ERC1: variants seen among roughly 807,000 people sequenced by gnomAD.
ERC1 encodes the protein RAB6 interacting protein 2.
A neutral mutation model predicts 132.0 loss-of-function variants in ERC1; 56 were observed. The ratio of observed to expected loss-of-function variants is 0.42; its 90% confidence interval spans 0.34 to 0.53. The LOEUF is 0.53. ERC1 is among the 20% of genes least tolerant of loss of function. ERC1 has a pLI of 0.03. For missense variants in ERC1, 1,202 were observed against 1,349.9 expected (o/e 0.89, Z 1.72); for synonymous variants, 478 against 476.1 (o/e 1.00, Z -0.05).
chr12:1,322,565 T>A (rs1459747539), intron 15 of ERC1, among the ~76,000 whole-genome samples: 1 of 152,186 alleles, frequency 6.6e-6, no homozygotes, highest in African/African-American at 2.4e-5. Context: ...AGTAAACATT[T>A]ATTACACAAA....
At chr12:1,345,637 C>G (rs2084379614) in intron 15 of ERC1, among the ~76,000 whole-genome samples, 1 of 152,022 alleles carries the variant, frequency 6.6e-6, no homozygotes, top group Non-Finnish European at 1.5e-5. Flanking sequence ...AAGAAATTAT[C>G]ACTTCTTCTC....
At chr12:1,268,891 G>A (rs1298226125) in intron 14 of ERC1, among the ~76,000 whole-genome samples, 1 of 152,194 alleles carries the variant, frequency 6.6e-6, no homozygotes, top group African/African-American at 2.4e-5. Flanking sequence ...CTACAGTTGA[G>A]TGTAAATAGG....
At chr12:1,235,813 C>T (rs936543863) in intron 12 of ERC1, among the ~76,000 whole-genome samples, 1 of 152,126 alleles carries the variant, frequency 6.6e-6, no homozygotes, top group African/African-American at 2.4e-5. Context: ...CAATTCAGTT[C>T]CTAGGCCTAT....
At chr12:1,145,515 A>G (rs1425187355) in intron 8 of ERC1, among the ~76,000 whole-genome samples, 2 of 152,128 alleles carry the variant, frequency 1.3e-5, no homozygotes, top group South Asian at 2.1e-4. Flanking sequence ...ATTTTCTCCA[A>G]TTCTGTAGGT....
intron 2 of ERC1, among the ~76,000 whole-genome samples, chr12:1,071,808 A>G (rs1940413163): frequency 6.6e-6 from 1 of 152,194 alleles, no homozygotes; most frequent in African/African-American, 2.4e-5. Flanking sequence ...CCTTAAAAGT[A>G]TAAAGTCTGA....
At chr12:995,510 T>C (rs777406511) in intron 1 of ERC1, among the ~76,000 whole-genome samples, 3 of 152,278 alleles carry the variant, frequency 2.0e-5, no homozygotes, top group Admixed American at 1.3e-4. Flanking sequence ...TTGGAGATGG[T>C]AATTCATGGA....
intron 7 of ERC1, among the ~76,000 whole-genome samples, chr12:1,118,046 C>T (rs750511086): frequency 3.3e-5 from 5 of 152,150 alleles, no homozygotes; most frequent in Non-Finnish European, 5.9e-5. Flanking sequence ...TCCCCTCAAT[C>T]GTGTATCCTT....
chr12:1,097,875 C>A (rs1194771374), intron 3 of ERC1, among the ~76,000 whole-genome samples: 1 of 151,928 alleles, frequency 6.6e-6, no homozygotes, highest in East Asian at 1.9e-4. Context: ...CCACCATGCT[C>A]AGCTACTTTT....
At position 1,328,872 on chromosome 12, in the gene ERC1, C is replaced by T. The variant is rs754269450; in HGVS notation, c.2780+38860C>T. On this transcript the variant is annotated intron_variant, in intron 15 of 18. Coordinates refer to ENST00000360905, the MANE Select transcript of ERC1 (RefSeq NM_178040.4). Reference sequence around the variant, plus strand: ...ACACGGTTCTACGTGTTAGCAGTATCATCTGGAATAAGACAGCCTCTGTTC... The same window carrying T: ...ACACGGTTCTACGTGTTAGCAGTATTATCTGGAATAAGACAGCCTCTGTTC... 2.2e-4 allele frequency among the ~76,000 whole-genome samples: 26 copies of T among 119,276 alleles called. 1 individual carries two copies. The highest frequency in any genetic ancestry group is 4.2e-4 in the Non-Finnish European group (24 of 57,562). 78.2% of individuals were successfully genotyped at this position (119,276 alleles called of 152,430 possible). A position where few individuals can be genotyped will look rare whatever the true frequency, so the allele number is the denominator to read the frequency against.
At chr12:1,165,521 TG>T in intron 8 of ERC1, among the ~76,000 whole-genome samples, 1 of 152,094 alleles carries the variant, frequency 6.6e-6, no homozygotes, top group East Asian at 1.9e-4. Flanking sequence ...TTAGCCAAGA[TG>T]GTCTTGATCT....
chr12:1,056,618 C>T (rs1463797071), intron 2 of ERC1, among the ~76,000 whole-genome samples: 1 of 152,112 alleles, frequency 6.6e-6, no homozygotes, highest in African/African-American at 2.4e-5. Flanking sequence ...TCTGGCCACC[C>T]CCACCCTAAT....
chr12:1,240,424 C>T (rs58545225), intron 13 of ERC1, among the ~76,000 whole-genome samples: 45,315 of 151,996 alleles, frequency 0.3, 6,884 homozygotes, highest in Middle Eastern at 0.39. Flanking sequence ...TTGAAACTTT[C>T]GTATCTGTAA....
At chr12:995,095 C>CAA (rs1413419953) in intron 1 of ERC1, among the ~76,000 whole-genome samples, 28 of 121,742 alleles carry the variant, frequency 2.3e-4, no homozygotes, top group African/African-American at 8.2e-4. Flanking sequence ...GACTCTGTCT[C>CAA]AAAAAAAAAA....
intron 16 of ERC1, among the ~76,000 whole-genome samples, chr12:1,385,440 G>A (rs1428491927): frequency 2.6e-5 from 4 of 152,080 alleles, no homozygotes; most frequent in South Asian, 2.1e-4. Context: ...CCGCCACCAC[G>A]CCCTGCTAAT....
intron 2 of ERC1, among the ~76,000 whole-genome samples, chr12:1,077,130 G>C (rs987625297): frequency 1.3e-5 from 2 of 152,110 alleles, no homozygotes; most frequent in Admixed American, 1.3e-4. Flanking sequence ...TACAATACTG[G>C]TGTTTTCTCT....
intron 18 of ERC1, chr12:1,480,930 C>T (rs2094078214): frequency 1.4e-6 from 1 of 702,302 alleles, no homozygotes; most frequent in Non-Finnish European, 2.6e-6. Flanking sequence ...CAGACGTCCC[C>T]CTTACTCTGG....
At chr12:1,326,114 C>G (rs1004104798) in intron 15 of ERC1, among the ~76,000 whole-genome samples, 5 of 152,090 alleles carry the variant, frequency 3.3e-5, no homozygotes, top group Non-Finnish European at 7.4e-5. Context: ...GAAAGAATGC[C>G]AGGAACTTTC....
rs754283037 is a variant in ERC1 at position 1,028,584 on chromosome 12, G to A, written c.669+12G>A. On this transcript the variant is annotated intron_variant, in intron 2 of 18. Coordinates refer to ENST00000360905, the MANE Select transcript of ERC1 (RefSeq NM_178040.4). ...AGGAGGAAAACCAGGTAAGTTCTACGTGTGTTTACCTTTATTGGCTGAATT... is the reference window on the plus strand; with the variant it reads ...AGGAGGAAAACCAGGTAAGTTCTACATGTGTTTACCTTTATTGGCTGAATT... The A allele has an allele frequency of 1.4e-4, 218 of 1,591,190 alleles. 9 individuals are homozygous for A. In the South Asian group the frequency reaches 2.0e-3, roughly 15 times the overall value.
At chr12:1,214,387 A>G (rs1013103145) in intron 12 of ERC1, among the ~76,000 whole-genome samples, 1 of 152,166 alleles carries the variant, frequency 6.6e-6, no homozygotes, top group East Asian at 1.9e-4. Context: ...TAAGATGATA[A>G]ATATGCTGTG....
Sources: gnomAD v4.1 joint callset for allele counts (sites outside exome capture counted in the v4.1 genomes callset) on GRCh38, gnomAD v4.1.1 for gene constraint, MANE v1.5 for transcripts, NCBI Gene and HGNC (gene_info 2026-07-23, HGNC 2026-07-21) for gene names.